Variants in ANKRD26 observed in about 807,000 individuals in gnomAD.
The protein encoded by ANKRD26 is ankyrin repeat domain-containing protein 26.
Under a neutral mutation model 208.7 loss-of-function variants are expected in ANKRD26, and 141 were observed. That is an observed-to-expected ratio of 0.68 (90% confidence interval 0.59 to 0.78). ANKRD26 has a LOEUF of 0.78. Among genes scored for constraint, ANKRD26 ranks in the 30% least tolerant of loss-of-function variants. ANKRD26 has a pLI of 0.00. For missense variants in ANKRD26, 1,889 were observed against 1,938.7 expected, an observed-to-expected ratio of 0.97 and a Z score of 0.48; for synonymous variants, 636 against 660.4, an observed-to-expected ratio of 0.96 and a Z score of 0.57.
chr10:26,959,514 T>G, the ANKRD26 span, among the ~76,000 whole-genome samples: 1 of 152,122 alleles, frequency 6.6e-6, no homozygotes, highest in Non-Finnish European at 1.5e-5. Context: ...AGTAGATAAG[T>G]AGAACATCAG....
the ANKRD26 span, among the ~76,000 whole-genome samples, chr10:26,951,035 T>G: frequency 7.0e-6 from 1 of 143,356 alleles, no homozygotes; most frequent in Non-Finnish European, 1.5e-5. Context: ...TTTTTTTTTT[T>G]TTGCAGTTTC....
Position 27,017,568 on chromosome 10 carries a change from C to T in ANKRD26, c.4440G>A (p.Gln1480=). 6.2e-7 allele frequency: 1 copy of T among 1,613,640 alleles called. No homozygotes were observed. Among genetic ancestry groups the T allele is most frequent in the African/African-American group, 1.3e-5 (1 of 75,028 alleles). ...VELGQVKQYK[Q]EIEERARQEI... The stretch of plus-strand genomic sequence containing the variant: ...CCTGTCTTGCTCTTTCTTCAATCTC[C>T]TGTTTATACTGTTTGACTTGACCAA... Residue 1480 remains glutamine (Q), a synonymous_variant, in exon 30 of 34, where the codon CAG becomes CAA. Transcript: ENST00000376087.
downstream of ANKRD26, among the ~76,000 whole-genome samples, chr10:26,991,120 G>C (rs1417335907): frequency 6.6e-6 from 1 of 152,154 alleles, no homozygotes; most frequent in African/African-American, 2.4e-5. Context: ...AAATTGGGGA[G>C]GTCAGGGATC....
intron 24 of ANKRD26, among the ~76,000 whole-genome samples, chr10:27,033,982 A>C (rs2053964333): frequency 1.3e-5 from 2 of 152,212 alleles, no homozygotes; most frequent in Non-Finnish European, 2.9e-5. Context: ...CCAATGCCAA[A>C]CTAATAAATC....
At chr10:27,040,706 A>G (rs927715254) in intron 20 of ANKRD26, among the ~76,000 whole-genome samples, 3 of 152,292 alleles carry the variant, frequency 2.0e-5, no homozygotes, top group African/African-American at 7.2e-5. Context: ...GGACTCAGGC[A>G]ATGAACACAA....
chr10:26,978,409 T>A (rs577484804), intron 5 of ANKRD26, among the ~76,000 whole-genome samples: 2 of 152,212 alleles, frequency 1.3e-5, no homozygotes, highest in East Asian at 3.9e-4. Flanking sequence ...TGAGCCAAGA[T>A]CATGCCACTG....
At chr10:26,949,289 T>C in the ANKRD26 span, among the ~76,000 whole-genome samples, 2 of 152,260 alleles carry the variant, frequency 1.3e-5, no homozygotes, top group East Asian at 1.9e-4. Flanking sequence ...TGTCCTCATT[T>C]TTTTGGAAAA....
rs958179497 is a variant in ANKRD26 at position 27,031,067 on chromosome 10, G to A, written c.3808-1711C>T. Among the ~76,000 whole-genome samples the A allele has an allele frequency of 2.2e-4, 34 of 152,338 alleles. No individual in the cohort carries two copies. The East Asian group carries it at 6.4e-3, about 29-fold the overall frequency. On this transcript the variant is annotated intron_variant, in intron 25 of 33. Transcript: ENST00000376087. ...ATGAGATCCAGAACAGTCAGAGAAA[G>A]CTTCCGAAAGGAGGGGGAATTGTGT...
intron 5 of ANKRD26, among the ~76,000 whole-genome samples, chr10:26,992,638 G>GCAA (rs2052511238): frequency 7.2e-5 from 11 of 151,942 alleles, no homozygotes; most frequent in Admixed American, 6.6e-4. Context: ...TAGCCTTTTT[G>GCAA]GTTGCATGTT....
chr10:27,023,552 A>G (rs910102450), intron 28 of ANKRD26, among the ~76,000 whole-genome samples: 1 of 152,170 alleles, frequency 6.6e-6, no homozygotes, highest in Non-Finnish European at 1.5e-5. Context: ...AAAAGGAAAC[A>G]GGCAGAGTTT....
intron 29 of ANKRD26, among the ~76,000 whole-genome samples, chr10:27,021,161 T>C (rs36068675): frequency 1.3e-5 from 2 of 152,272 alleles, no homozygotes; most frequent in South Asian, 2.1e-4. Flanking sequence ...TTTATGTATC[T>C]GTATACACCA....
intron 9 of ANKRD26, among the ~76,000 whole-genome samples, chr10:27,073,328 C>A (rs553302437): frequency 6.6e-6 from 1 of 152,322 alleles, no homozygotes; most frequent in East Asian, 1.9e-4. Context: ...GATGTGCGTG[C>A]ATCTGTAGAC....
At chr10:26,966,926 G>GA in the ANKRD26 span, among the ~76,000 whole-genome samples, 3 of 151,316 alleles carry the variant, frequency 2.0e-5, no homozygotes, top group East Asian at 1.9e-4. Flanking sequence ...TTACTAAAAG[G>GA]AAAAAAAAGC....
chr10:26,991,143 A>C (rs1335523598), downstream of ANKRD26, among the ~76,000 whole-genome samples: 1 of 152,212 alleles, frequency 6.6e-6, no homozygotes, highest in African/African-American at 2.4e-5. Context: ...TGGAGGAAGG[A>C]GGTCCCAGAC....
chr10:26,974,731 ACAAATTGTCTTTATTT>A (rs2052199974), exon 6 of ANKRD26, among the ~76,000 whole-genome samples: 2 of 152,188 alleles, frequency 1.3e-5, no homozygotes, highest in Admixed American at 1.3e-4. Context: ...TTGTTTATCT[ACAAATTGTCTTTATTT>A]TATCTGCATT....
At chr10:27,025,444 A>G (rs562350792) in intron 27 of ANKRD26, among the ~76,000 whole-genome samples, 94 of 152,306 alleles carry the variant, frequency 6.2e-4, no homozygotes, top group African/African-American at 2.0e-3. Context: ...CACTGGAATT[A>G]CAGGTGTCAG....
At chr10:27,021,107 C>T (rs752309322) in intron 29 of ANKRD26, among the ~76,000 whole-genome samples, 17 of 152,206 alleles carry the variant, frequency 1.1e-4, no homozygotes, top group Non-Finnish European at 2.2e-4. Context: ...TTTCTTGGCA[C>T]AGATCCTGCA....
Position 27,100,142 on chromosome 10 carries a change from A to G in ANKRD26, c.185T>C (p.Val62Ala), listed in dbSNP as rs778545520. 6.2e-7 allele frequency: 1 copy of G among 1,614,056 alleles called. No homozygotes were observed. Among genetic ancestry groups the G allele is most frequent in the Non-Finnish European group, 8.5e-7 (1 of 1,179,978 alleles). The change falls in exon 1 of 34, where the codon GTG becomes GCG. Residue 62 changes from valine to alanine, a missense_variant. This residue lies in a region of ANKRD26 where 1,272 missense variants were observed against 1,273.8 expected (regional missense o/e 1.00). Transcript: ENST00000376087. The part of the protein sequence containing the change: ...KAASAGNVAK[V>A]QQILLLRKNG... Reference sequence around the variant, plus strand: ...CTTCCTGAGCAAAAGGATCTGCTGCACTTTCGCCACATTACCCGCGCTGGC... The same window carrying G: ...CTTCCTGAGCAAAAGGATCTGCTGCGCTTTCGCCACATTACCCGCGCTGGC...
chr10:27,080,143 C>A lies in ANKRD26; in HGVS notation c.741-982G>T, dbSNP rs367620295. ...TAGCACTCCAGCCTGGGCAACAGTG[C>A]AAGACTTTGTCTCAAAAAAAATAAA... On this transcript the variant is annotated intron_variant, in intron 6 of 33. Coordinates refer to ENST00000376087, the MANE Select transcript of ANKRD26 (RefSeq NM_014915.3). 2.1e-5 allele frequency: 4 copies of A among 188,632 alleles called. No homozygotes were observed. In the South Asian group the frequency reaches 2.2e-4, roughly 11 times the overall value. The allele number at this position is 188,632 out of a possible 1,614,324, so 11.7% of individuals were successfully genotyped here. A position where few individuals can be genotyped will look rare whatever the true frequency, so the allele number is the denominator to read the frequency against.
Sources: allele counts gnomAD v4.1 joint callset (sites outside exome capture counted in the v4.1 genomes callset), GRCh38; gene constraint gnomAD v4.1.1; regional missense constraint gnomAD v4.1.1; transcripts MANE v1.5; gene names NCBI Gene and HGNC (gene_info 2026-07-23, HGNC 2026-07-21).